The following UNC80 variants were observed in gnomAD, a reference collection of about 807,000 sequenced individuals.
UNC80 encodes unc-80 subunit of NALCN channel complex, also known as protein unc-80 homolog.
Under a neutral mutation model 384.6 loss-of-function variants are expected in UNC80, and 164 were observed. The ratio of observed to expected loss-of-function variants is 0.43; its 90% CI spans 0.38 to 0.49. The LOEUF (loss-of-function observed/expected upper bound fraction) is 0.49. UNC80 is among the 20% of genes least tolerant of loss of function. The pLI is 0.00. For synonymous variants in UNC80, 1,486 were observed against 1,527.8 expected (o/e 0.97, Z 0.64); for missense variants, 3,330 against 4,143.0 (o/e 0.80, Z 5.39).
chr2:209,881,144 C>A (rs561560491), intron 25 of UNC80, 50 bp downstream of exon 25: 17 of 1,531,750 alleles, frequency 1.1e-5, no homozygotes, highest in South Asian at 2.5e-5. Flanking sequence ...AGAGGCCAGG[C>A]GTGTGTCTGG....
chr2:209,798,876 G>A (rs1230584572), intron 7 of UNC80, among the ~76,000 whole-genome samples: 13 of 145,210 alleles, frequency 9.0e-5, no homozygotes, highest in Non-Finnish European at 2.0e-4. Context: ...AGTAGAGACA[G>A]GGTTTCACTG....
At chr2:209,944,928 G>A in intron 45 of UNC80, 123 bp from the exon 46 acceptor site, 1 of 1,147,110 alleles carries the variant, frequency 8.7e-7, no homozygotes, top group Non-Finnish European at 1.2e-6. Flanking sequence ...AATTATGTAA[G>A]CTGAATTCCA....
chr2:209,909,483 A>T (rs1302571911), intron 29 of UNC80, among the ~76,000 whole-genome samples: 1 of 152,184 alleles, frequency 6.6e-6, no homozygotes, highest in African/African-American at 2.4e-5. Context: ...CAGACATTTT[A>T]TCCCCTGGCC....
At chr2:209,849,210 C>T (rs919939205) in intron 21 of UNC80, among the ~76,000 whole-genome samples, 4 of 152,104 alleles carry the variant, frequency 2.6e-5, no homozygotes, top group African/African-American at 9.7e-5. Context: ...TGATCAAACA[C>T]TGTATTTAAA....
chr2:209,975,925 A>C (rs955577865), intron 56 of UNC80, among the ~76,000 whole-genome samples, 194 bp from the exon 57 acceptor site: 4 of 152,152 alleles, frequency 2.6e-5, no homozygotes, highest in African/African-American at 9.7e-5. Flanking sequence ...CAGAATCAAA[A>C]CACTTAGCAT....
rs2087974204 is a variant in UNC80 at position 209,904,785 on chromosome 2, T to G, written c.4602T>G (p.Asn1534Lys). The change falls in exon 29 of 65, where the codon AAT becomes AAG. Residue 1534 changes from asparagine to lysine, a missense_variant. Transcript: ENST00000673920. ...TCCAGGTGATGATCTTGCTGTGCAA[T>G]CAGCAGAGTTTCATCTGCACTCACG... ...SWLHVMILLC[N>K]QQSFICTHVD... 6.4e-7 allele frequency: 1 copy of G among 1,551,860 alleles called. No homozygotes were observed. Among genetic ancestry groups the G allele is most frequent in the Non-Finnish European group, 8.7e-7 (1 of 1,147,030 alleles).
chr2:209,896,452 C>A, intron 28 of UNC80, 39 bp downstream of exon 28: 1 of 1,484,986 alleles, frequency 6.7e-7, no homozygotes. Flanking sequence ...AGATCAATTT[C>A]TTTTGGCACT....
chr2:209,987,978 C>T (rs2093322784), intron 61 of UNC80, among the ~76,000 whole-genome samples: 2 of 152,166 alleles, frequency 1.3e-5, no homozygotes, highest in Admixed American at 1.3e-4. Flanking sequence ...TCAATTCTCA[C>T]AGGATATCTA....
rs1574566416 is a variant in UNC80, at chr2:209,815,251, A to G, written c.1201-6A>G. On this transcript the variant is annotated splice_region_variant and splice_polypyrimidine_tract_variant and intron_variant, in intron 8 of 64. Coordinates refer to ENST00000673920, the MANE Select transcript of UNC80 (RefSeq NM_001371986.1). ...AAGTCCTTGATCACTGTCTACCTTTATTAAGGATCTCACCATGAAGTGTAA... is the reference window on the plus strand; with the variant it reads ...AAGTCCTTGATCACTGTCTACCTTTGTTAAGGATCTCACCATGAAGTGTAA... The G allele has an allele frequency of 1.3e-6, 2 of 1,551,262 alleles. No homozygotes were observed. Among genetic ancestry groups the G allele is most frequent in the East Asian group, 4.9e-5 (2 of 40,906 alleles).
intron 48 of UNC80, among the ~76,000 whole-genome samples, chr2:209,955,757 A>ACG (rs2092390820): frequency 8.6e-6 from 1 of 116,854 alleles, no homozygotes; most frequent in Admixed American, 8.4e-5. Flanking sequence ...ACACACACAC[A>ACG]CAGAGAGAGA....
intron 49 of UNC80, 71 bp from the exon 50 acceptor site, chr2:209,959,048 G>T (rs75984535): frequency 0.045 from 59,949 of 1,343,214 alleles, 5,385 homozygotes; most frequent in African/African-American, 0.34. Flanking sequence ...TATGAAAGTC[G>T]ATAAGAAGCC....
At chr2:209,818,336 A>G (rs750116948) in intron 11 of UNC80, among the ~76,000 whole-genome samples, 12 of 144,526 alleles carry the variant, frequency 8.3e-5, no homozygotes, top group South Asian at 2.2e-4. Flanking sequence ...AAGGCCACCA[A>G]TTTTTTTTTT....
At chr2:209,823,527 A>G (rs1015306682) in intron 13 of UNC80, among the ~76,000 whole-genome samples, 7 of 152,104 alleles carry the variant, frequency 4.6e-5, no homozygotes, top group Non-Finnish European at 1.0e-4. Flanking sequence ...ACCACTCACC[A>G]AAGGATTACT....
chr2:209,817,393 A>G (rs1200289900), intron 10 of UNC80, among the ~76,000 whole-genome samples: 1 of 152,170 alleles, frequency 6.6e-6, no homozygotes, highest in Non-Finnish European at 1.5e-5. Flanking sequence ...ACATGGCCTT[A>G]GGGTGCTCTG....
intron 64 of UNC80, 72 bp downstream of exon 64, chr2:209,994,336 C>T: frequency 2.3e-6 from 3 of 1,322,804 alleles, no homozygotes; most frequent in Non-Finnish European, 3.1e-6. Flanking sequence ...TGGATATGCA[C>T]ATTTATTCCA....
intron 25 of UNC80, among the ~76,000 whole-genome samples, chr2:209,882,209 G>A (rs939027532): frequency 6.6e-6 from 1 of 151,950 alleles, no homozygotes; most frequent in South Asian, 2.1e-4. Context: ...CTCATGATCT[G>A]CCTGCCTTGG....
intron 25 of UNC80, among the ~76,000 whole-genome samples, chr2:209,882,529 T>C (rs1263474119): frequency 1.3e-5 from 2 of 152,192 alleles, no homozygotes; most frequent in African/African-American, 4.8e-5. Context: ...ACACTACCAT[T>C]TGGATATTGA....
At chr2:209,801,853 C>A (rs1240434036) in intron 7 of UNC80, among the ~76,000 whole-genome samples, 1 of 151,836 alleles carries the variant, frequency 6.6e-6, no homozygotes, top group Non-Finnish European at 1.5e-5. Context: ...AATTTTTTAA[C>A]CAAAATACTA....
At chr2:209,863,891 G>A (rs2083516211) in intron 22 of UNC80, among the ~76,000 whole-genome samples, 1 of 151,794 alleles carries the variant, frequency 6.6e-6, no homozygotes, top group Non-Finnish European at 1.5e-5. Flanking sequence ...GAGAGACGCT[G>A]CGATCATTTG....
Sources: allele counts gnomAD v4.1 joint callset (sites outside exome capture counted in the v4.1 genomes callset), GRCh38; gene constraint gnomAD v4.1.1; transcripts MANE v1.5; gene names NCBI Gene and HGNC (gene_info 2026-07-23, HGNC 2026-07-21).